Variants in ETFDH observed in about 807,000 individuals in gnomAD.
ETFDH encodes the protein electron transfer flavoprotein-ubiquinone oxidoreductase, mitochondrial.
Under a neutral mutation model 73.2 loss-of-function variants are expected in ETFDH, and 61 were observed. That is an observed-to-expected ratio of 0.83 (90% CI 0.68 to 1.03). The LOEUF is 1.03. Ranked by LOEUF, ETFDH falls within the 50% of genes least tolerant of loss-of-function variation. ETFDH has a pLI of 0.00. For missense variants in ETFDH, 685 were observed against 745.0 expected (o/e 0.92, Z 0.94); for synonymous variants, 243 against 253.3 (o/e 0.96, Z 0.39).
At chr4:158,676,213 T>C (rs531807590) in intron 1 of ETFDH, among the ~76,000 whole-genome samples, 26 of 152,176 alleles carry the variant, frequency 1.7e-4, no homozygotes, top group South Asian at 1.7e-3. Flanking sequence ...GGAGTGCCAA[T>C]TGGTCAGGTC....
chr4:158,684,542 C>A, intron 3 of ETFDH, 50 bp from the exon 4 acceptor site: 2 of 1,028,362 alleles, frequency 1.9e-6, no homozygotes, highest in South Asian at 1.3e-5. Flanking sequence ...TTTATATTTA[C>A]ACTTGCAAAT....
chr4:158,704,708 C>T (rs1774561576), intron 10 of ETFDH, among the ~76,000 whole-genome samples: 1 of 152,110 alleles, frequency 6.6e-6, no homozygotes, highest in Admixed American at 6.5e-5. Context: ...CACACGGTAG[C>T]GACTCCATAG....
rs796051956 is a variant in ETFDH, at chr4:158,672,478, C to G, written c.22C>G (p.Leu8Val). The G allele has an allele frequency of 1.2e-5, 19 of 1,614,050 alleles. No individual in the cohort carries two copies. Among genetic ancestry groups the G allele is most frequent in the Non-Finnish European group, 1.6e-5 (19 of 1,180,004 alleles). Residue 8 changes from leucine (L) to valine (V), a missense_variant, in exon 1 of 13, where the codon CTG becomes GTG. Transcript: ENST00000511912. MLVPLAK[L>V]SCLAYQCFHA... The stretch of plus-strand genomic sequence containing the variant: ...GAACATGCTGGTGCCGCTAGCCAAG[C>G]TGTCCTGCCTGGGTGAGAGGAAACG...
chr4:158,708,432 G>T lies in ETFDH; in HGVS notation c.1759G>T (p.Val587Leu). The part of the protein sequence containing the change: ...FRLQINAQNC[V>L]HCKTCDIKDP... ...GTTACAGATAAATGCTCAGAACTGT[G>T]TACATTGTAAAACATGTGATATTAA... The change falls in exon 13 of 13, where the codon GTA becomes TTA. Residue 587 changes from valine to leucine, a missense_variant. Physicochemically the swap from Val to Leu is conservative, Grantham distance 32 (BLOSUM62 1). Transcript: ENST00000511912. 1 of 1,610,846 alleles carries T rather than the reference G, an allele frequency of 6.2e-7. No homozygotes were observed. The highest frequency in any genetic ancestry group is 8.5e-7 in the Non-Finnish European group (1 of 1,177,000).
At position 158,684,679 on chromosome 4, in the gene ETFDH, G is replaced by A. The variant is rs1211030553; in HGVS notation, c.487+6G>A. On this transcript the variant is annotated splice_donor_region_variant and intron_variant, in intron 4 of 12. Transcript: ENST00000511912. ...TCCTGTGCCAATTCTTCCAGGTAAG[G>A]TATAGTGAATATGCATAGAACTATG... 2 of 1,444,644 alleles carry A rather than the reference G, an allele frequency of 1.4e-6. No homozygotes were observed. The highest frequency in any genetic ancestry group is 1.1e-5 in the South Asian group (1 of 87,608). The allele number at this position is 1,444,644 out of a possible 1,614,324, so 89.5% of individuals were successfully genotyped here. A position where few individuals can be genotyped will look rare whatever the true frequency, so the allele number is the denominator to read the frequency against.
At position 158,699,011 on chromosome 4, in the gene ETFDH, T is replaced by A. The variant is rs2150312225; in HGVS notation, c.997T>A (p.Tyr333Asn). 1.2e-6 allele frequency: 2 copies of A among 1,609,216 alleles called. No individual in the cohort carries two copies. The highest frequency in any genetic ancestry group is 1.7e-6 in the Non-Finnish European group (2 of 1,175,506). ...GGTTGGTCTAGACTATCAGAATCCA[T>A]ACCTGAGTCCATTTAGAGAGTTCCA... Reference protein sequence around the residue: ...LVVGLDYQNPYLSPFREFQRW... With the variant: ...LVVGLDYQNPNLSPFREFQRW... The change falls in exon 9 of 13, where the codon TAC becomes AAC. Residue 333 changes from tyrosine (Y) to asparagine (N), a missense_variant. Physicochemically the swap from Tyr to Asn is moderately radical, Grantham distance 143 (BLOSUM62 -2). Transcript: ENST00000511912.
At chr4:158,707,130 T>A (rs1377070353) in intron 12 of ETFDH, among the ~76,000 whole-genome samples, 1 of 152,032 alleles carries the variant, frequency 6.6e-6, no homozygotes, top group Non-Finnish European at 1.5e-5. Flanking sequence ...ATGTGACTAT[T>A]TAAAGTCATT....
intron 2 of ETFDH, among the ~76,000 whole-genome samples, chr4:158,681,232 A>G (rs1313962255): frequency 6.6e-6 from 1 of 152,122 alleles, no homozygotes; most frequent in Non-Finnish European, 1.5e-5. Flanking sequence ...GTGTAGGCCT[A>G]ACTAATGTGT....
chr4:158,703,329 A>G (rs1774514849), intron 9 of ETFDH, 94 bp from the exon 10 acceptor site: 2 of 887,730 alleles, frequency 2.3e-6, no homozygotes, highest in African/African-American at 1.7e-5. Flanking sequence ...GCCTTTCCCT[A>G]CAGCTCTAGA....
At chr4:158,687,923 C>G (rs183654147) in intron 5 of ETFDH, among the ~76,000 whole-genome samples, 2 of 151,998 alleles carry the variant, frequency 1.3e-5, no homozygotes, top group African/African-American at 4.8e-5. Context: ...GCCTGTAATC[C>G]TAGCTACTTG....
Position 158,688,136 on chromosome 4 carries a change from G to C in ETFDH, c.607-2212G>C, listed in dbSNP as rs139847087. On this transcript the variant is annotated intron_variant, in intron 5 of 12. Coordinates refer to ENST00000511912, the MANE Select transcript of ETFDH (RefSeq NM_004453.4). ...AGGCCAGGTGCAGTGACTCATGCCTGTTATCCCAGCACTTTGGGAGGCCCA... is the reference window on the plus strand; with the variant it reads ...AGGCCAGGTGCAGTGACTCATGCCTCTTATCCCAGCACTTTGGGAGGCCCA... 9.4e-3 allele frequency among the ~76,000 whole-genome samples: 1,424 copies of C among 152,210 alleles called. 23 individuals carry two copies. The highest frequency in any genetic ancestry group is 0.033 in the African/African-American group (1,358 of 41,524).
chr4:158,681,142 G>T (rs1474780627), intron 2 of ETFDH, among the ~76,000 whole-genome samples: 2 of 152,220 alleles, frequency 1.3e-5, no homozygotes, highest in African/African-American at 4.8e-5. Flanking sequence ...GGAGATGACA[G>T]CTCCATGCGT....
At chr4:158,695,472 C>T in intron 6 of ETFDH, 25 bp from the exon 7 acceptor site, 2 of 1,601,010 alleles carry the variant, frequency 1.2e-6, no homozygotes, top group Non-Finnish European at 1.7e-6. Flanking sequence ...CAAATGTTGC[C>T]ATTTAACATG....
intron 7 of ETFDH, 135 bp from the exon 8 acceptor site, chr4:158,697,424 A>G (rs1430523698): frequency 5.2e-6 from 4 of 765,264 alleles, no homozygotes; most frequent in Non-Finnish European, 8.5e-6. Flanking sequence ...ATTTTGTTGT[A>G]TTCTTATATC....
intron 1 of ETFDH, among the ~76,000 whole-genome samples, chr4:158,675,239 T>C (rs545643869): frequency 1.1e-4 from 17 of 152,334 alleles, no homozygotes; most frequent in South Asian, 2.1e-4. Flanking sequence ...ATCTACTTTC[T>C]GTCTCTATAA....
intron 10 of ETFDH, among the ~76,000 whole-genome samples, chr4:158,705,911 T>C (rs1181246994): frequency 6.6e-6 from 1 of 152,292 alleles, no homozygotes; most frequent in Non-Finnish European, 1.5e-5. Context: ...CAAAACCCTC[T>C]TTCTACCAAA....
At chr4:158,673,721 T>C (rs1773641734) in intron 1 of ETFDH, among the ~76,000 whole-genome samples, 2 of 152,236 alleles carry the variant, frequency 1.3e-5, no homozygotes, top group South Asian at 4.1e-4. Flanking sequence ...GCTATCTGCC[T>C]TAGAGCCTAA....
At chr4:158,690,009 G>A (rs1262018319) in intron 5 of ETFDH, among the ~76,000 whole-genome samples, 1 of 151,890 alleles carries the variant, frequency 6.6e-6, no homozygotes, top group African/African-American at 2.4e-5. Context: ...TGTGTTACAG[G>A]CCTCCATTTC....
intron 6 of ETFDH, among the ~76,000 whole-genome samples, chr4:158,691,875 C>T (rs543710837): frequency 2.0e-5 from 3 of 152,192 alleles, no homozygotes; most frequent in African/African-American, 2.4e-5. Flanking sequence ...ACTAACCTGC[C>T]TATTCAGGTT....
Sources: allele counts gnomAD v4.1 joint callset (sites outside exome capture counted in the v4.1 genomes callset), GRCh38; gene constraint gnomAD v4.1.1; transcripts MANE v1.5; gene names NCBI Gene and HGNC (gene_info 2026-07-23, HGNC 2026-07-21).